Variants in EIF3E observed in about 807,000 individuals in gnomAD.
The protein encoded by EIF3E is eIF-3 p48.
A neutral mutation model predicts 59.3 loss-of-function variants in EIF3E; 25 were observed. That is an observed-to-expected ratio of 0.42 (90% confidence interval 0.31 to 0.59). The LOEUF (loss-of-function observed/expected upper bound fraction) is 0.59, where lower values mean the gene tolerates loss of function less well. EIF3E is among the 20% of genes least tolerant of loss of function. EIF3E has a pLI of 0.15. For missense variants in EIF3E, 317 were observed against 534.3 expected, an observed-to-expected ratio of 0.59 and a Z score of 4.01; for synonymous variants, 176 against 170.2, an observed-to-expected ratio of 1.03 and a Z score of -0.26.
intron 1 of EIF3E, among the ~76,000 whole-genome samples, chr8:108,246,492 AG>A (rs1815952199): frequency 1.3e-5 from 2 of 152,186 alleles, no homozygotes; most frequent in African/African-American, 4.8e-5. Context: ...TCTAAAGGAT[AG>A]GTAAGTTGTT....
rs1202227159 is a variant in EIF3E at position 108,248,703 on chromosome 8, C to T, written c.-1G>A. ...GAGTAGTCAAGTCGTACTCCGCCAT[C>T]TTGCCAAAGAAAAGGGAGTCTGTGC... is the stretch of plus-strand genomic sequence containing the variant. On this transcript the variant is annotated 5_prime_UTR_variant, in exon 1 of 13. Transcript: ENST00000220849. The T allele has an allele frequency of 6.2e-7, 1 of 1,614,156 alleles. No individual in the cohort carries two copies. Among genetic ancestry groups the T allele is most frequent in the Non-Finnish European group, 8.5e-7 (1 of 1,180,004 alleles).
rs539646764 is a variant in EIF3E at position 108,238,790 on chromosome 8, T to C, written c.323+1168A>G. Among the ~76,000 whole-genome samples the C allele has an allele frequency of 6.6e-5, 10 of 152,314 alleles. No homozygotes were observed. The South Asian group carries it at 1.4e-3, about 22-fold the overall frequency. ...TCTCTAAAAATTTGGTTTAAATACATAGAAATCAAAGGTATAGCACGGCAA... is the reference window on the plus strand; with the variant it reads ...TCTCTAAAAATTTGGTTTAAATACACAGAAATCAAAGGTATAGCACGGCAA... On this transcript the variant is annotated intron_variant, in intron 3 of 12. Transcript: ENST00000220849.
chr8:108,237,704 G>A, intron 3 of EIF3E, among the ~76,000 whole-genome samples: 1 of 152,160 alleles, frequency 6.6e-6, no homozygotes, highest in East Asian at 1.9e-4. Flanking sequence ...TACTGATTAT[G>A]AAATGTACAT....
At chr8:108,232,382 G>C (rs1399279170) in intron 5 of EIF3E, among the ~76,000 whole-genome samples, 1 of 152,024 alleles carries the variant, frequency 6.6e-6, no homozygotes, top group Non-Finnish European at 1.5e-5. Flanking sequence ...TATTAACTTA[G>C]TGTTTGTATC....
At position 108,217,469 on chromosome 8, in the gene EIF3E, A is replaced by G; in HGVS notation, c.723-9T>C. 6.3e-7 allele frequency: 1 copy of G among 1,583,524 alleles called. No individual in the cohort carries two copies. The highest frequency in any genetic ancestry group is 1.4e-5 in the African/African-American group (1 of 73,414). On this transcript the variant is annotated splice_polypyrimidine_tract_variant and intron_variant, in intron 7 of 12. Transcript: ENST00000220849. The stretch of plus-strand genomic sequence containing the variant: ...GAATTGCATTAAGATATCTAAGAAA[A>G]AATATAAAAGTTATTTAATAACTTA...
chr8:108,227,582 G>C (rs1455091121), intron 7 of EIF3E: 1 of 152,118 alleles, frequency 6.6e-6, no homozygotes, highest in Non-Finnish European at 1.5e-5. Context: ...AAATACTAAA[G>C]GGTCTGAAAA....
At position 108,248,646 on chromosome 8, in the gene EIF3E, G is replaced by A. The variant is rs781195990; in HGVS notation, c.57C>T (p.Val19=). 7 of 1,614,164 alleles carry A rather than the reference G, an allele frequency of 4.3e-6. No individual in the cohort carries two copies. In the Admixed American group the frequency reaches 8.3e-5, roughly 19 times the overall value. ...RIAHFLDRHL[V]FPLLEFLSVK... ...CAGAGAGAAATTCAAGAAGCGGAAAGACTAGATGCCGATCCAAAAAGTGCG... is the reference window on the plus strand; with the variant it reads ...CAGAGAGAAATTCAAGAAGCGGAAAAACTAGATGCCGATCCAAAAAGTGCG... Residue 19 remains valine (V), a synonymous_variant, in exon 1 of 13, where the codon GTC becomes GTT. Coordinates refer to ENST00000220849, the MANE Select transcript of EIF3E (RefSeq NM_001568.3).
intron 9 of EIF3E, among the ~76,000 whole-genome samples, chr8:108,215,651 G>A (rs2129864253): frequency 6.6e-6 from 1 of 152,046 alleles, no homozygotes; most frequent in East Asian, 1.9e-4. Context: ...ATCAGGGAAT[G>A]GATATTTGCA....
At chr8:108,234,723 G>C in intron 5 of EIF3E, 1 of 232,562 alleles carries the variant, frequency 4.3e-6, no homozygotes, top group Non-Finnish European at 8.2e-6. Context: ...TCCATTACAT[G>C]ATACGATTCT....
intron 5 of EIF3E, chr8:108,231,698 A>G (rs939507205): frequency 1.3e-5 from 2 of 152,144 alleles, no homozygotes; most frequent in Non-Finnish European, 2.9e-5. Context: ...AATAACTGTT[A>G]AAGCAAAAGT....
At position 108,237,060 on chromosome 8, in the gene EIF3E, G is replaced by A. The variant is rs190174896; in HGVS notation, c.324-857C>T. Among the ~76,000 whole-genome samples the A allele has an allele frequency of 2.5e-3, 374 of 152,116 alleles. 2 individuals carry two copies. Among genetic ancestry groups the A allele is most frequent in the African/African-American group, 8.5e-3 (353 of 41,516 alleles). On this transcript the variant is annotated intron_variant, in intron 3 of 12. Coordinates refer to ENST00000220849, the MANE Select transcript of EIF3E (RefSeq NM_001568.3). ...AAATAAAAATTTAAAAATCATGTCC[G>A]ATATACATGACAGCTATGCTACATA...
At chr8:108,247,463 C>T (rs2129936254) in intron 1 of EIF3E, among the ~76,000 whole-genome samples, 1 of 152,248 alleles carries the variant, frequency 6.6e-6, no homozygotes, top group Admixed American at 6.5e-5. Flanking sequence ...GAAAGTTTTA[C>T]ATGACAAGAC....
At chr8:108,209,532 T>G (rs1431209861) in intron 10 of EIF3E, among the ~76,000 whole-genome samples, 1 of 152,124 alleles carries the variant, frequency 6.6e-6, no homozygotes, top group Non-Finnish European at 1.5e-5. Context: ...GTCCACTTAT[T>G]TAATATCCGC....
At chr8:108,203,140 T>C (rs1228436988) in intron 11 of EIF3E, 23 bp from the exon 12 acceptor site, 1 of 1,604,388 alleles carries the variant, frequency 6.2e-7, no homozygotes, top group South Asian at 1.1e-5. Context: ...ACAGGGAAAT[T>C]GATCCTATAA....
intron 7 of EIF3E, among the ~76,000 whole-genome samples, chr8:108,222,748 C>T (rs992474485): frequency 1.3e-5 from 2 of 151,300 alleles, no homozygotes; most frequent in Non-Finnish European, 2.9e-5. Context: ...TCTTGTATTA[C>T]TTATTATGTT....
intron 9 of EIF3E, 54 bp downstream of exon 9, chr8:108,216,357 CA>C: frequency 7.5e-7 from 1 of 1,331,030 alleles, no homozygotes; most frequent in Non-Finnish European, 1.0e-6. Context: ...ATTAACGTTA[CA>C]ATATCCAAAA....
intron 5 of EIF3E, 98 bp downstream of exon 5, chr8:108,234,900 G>T: frequency 1.6e-6 from 1 of 638,524 alleles, no homozygotes; most frequent in South Asian, 4.8e-5. Context: ...AAAACTTAAT[G>T]AACAGACCCA....
chr8:108,239,177 G>T (rs548021370), intron 3 of EIF3E, among the ~76,000 whole-genome samples: 6 of 151,998 alleles, frequency 3.9e-5, no homozygotes, highest in East Asian at 3.9e-4. Context: ...CAAGCACAGG[G>T]TTTCTTTTTT....
intron 1 of EIF3E, chr8:108,242,684 T>A: frequency 8.9e-7 from 1 of 1,121,774 alleles, no homozygotes; most frequent in Non-Finnish European, 1.1e-6. Context: ...CCAAATTACA[T>A]GCAGAACTCC....
Sources: gnomAD v4.1 joint callset for allele counts (sites outside exome capture counted in the v4.1 genomes callset) on GRCh38, gnomAD v4.1.1 for gene constraint, MANE v1.5 for transcripts, NCBI Gene and HGNC (gene_info 2026-07-23, HGNC 2026-07-21) for gene names.